The following IL1RAPL1 variants were observed in gnomAD, a reference collection of about 807,000 sequenced individuals.
IL1RAPL1 encodes interleukin 1 receptor accessory protein like 1.
A neutral mutation model predicts 48.4 loss-of-function variants in IL1RAPL1; 3 were observed. The ratio of observed to expected loss-of-function variants is 0.06; its 90% CI spans 0.03 to 0.16. IL1RAPL1 has a LOEUF of 0.16. Among genes scored for constraint, IL1RAPL1 ranks in the 10% least tolerant of loss-of-function variants. IL1RAPL1 has a pLI of 1.00. For missense variants in IL1RAPL1, 349 were observed against 530.6 expected, an observed-to-expected ratio of 0.66 and a Z score of 3.36; for synonymous variants, 185 against 187.7, an observed-to-expected ratio of 0.99 and a Z score of 0.12.
At chrX:28,900,407 G>A (rs1292749734) in intron 2 of IL1RAPL1, among the ~76,000 whole-genome samples, 2 of 111,626 alleles carry the variant, frequency 1.8e-5, no homozygotes, top group African/African-American at 6.5e-5. Flanking sequence ...CAAAAATCAA[G>A]GCTAAGATGG....
chrX:29,875,573 G>A (rs969301833), intron 6 of IL1RAPL1, among the ~76,000 whole-genome samples: 33 of 111,569 alleles, frequency 3.0e-4, no homozygotes, highest in Middle Eastern at 4.6e-3. Context: ...GCACACTAAG[G>A]TTGGAGAACC....
At chrX:29,807,640 A>AT (rs1392161269) in intron 6 of IL1RAPL1, among the ~76,000 whole-genome samples, 1 of 106,198 alleles carries the variant, frequency 9.4e-6, no homozygotes, top group East Asian at 2.9e-4. Context: ...AAAAAAAAAA[A>AT]AAAAAAAAAT....
intron 6 of IL1RAPL1, among the ~76,000 whole-genome samples, chrX:29,806,151 A>T (rs1279972815): frequency 2.7e-5 from 3 of 111,395 alleles, no homozygotes; most frequent in South Asian, 7.4e-4. Context: ...TGTAATAAGG[A>T]TAAAAACATA....
intron 1 of IL1RAPL1, among the ~76,000 whole-genome samples, chrX:28,664,538 C>T (rs1300391032): frequency 9.0e-6 from 1 of 111,600 alleles, no homozygotes; most frequent in Non-Finnish European, 1.9e-5. Context: ...TTGATCTCCT[C>T]CAAGGTGATC....
intron 2 of IL1RAPL1, among the ~76,000 whole-genome samples, chrX:29,123,041 A>T (rs988079742): frequency 4.3e-4 from 46 of 106,832 alleles, no homozygotes; most frequent in African/African-American, 1.5e-3. Context: ...TTATTTATTT[A>T]TTTTTTGAGA....
chrX:28,657,956 A>G (rs148963315), intron 1 of IL1RAPL1, among the ~76,000 whole-genome samples: 688 of 112,306 alleles, frequency 6.1e-3, no homozygotes, highest in African/African-American at 0.019. Context: ...AGTAAAATGT[A>G]TCTACTCCTT....
intron 3 of IL1RAPL1, among the ~76,000 whole-genome samples, chrX:29,309,567 C>G (rs924917566): frequency 8.9e-6 from 1 of 112,162 alleles, no homozygotes; most frequent in Non-Finnish European, 1.9e-5. Context: ...AATCCCAGCA[C>G]TTTGGGAGGC....
At chrX:28,876,218 A>G (rs2147311571) in intron 2 of IL1RAPL1, among the ~76,000 whole-genome samples, 1 of 111,821 alleles carries the variant, frequency 8.9e-6, no homozygotes, top group Admixed American at 9.5e-5. Context: ...TCCCAGACTC[A>G]GGCCTGAGGA....
intron 6 of IL1RAPL1, among the ~76,000 whole-genome samples, chrX:29,703,048 C>T (rs775176799): frequency 1.1e-3 from 124 of 111,670 alleles, no homozygotes; most frequent in African/African-American, 3.8e-3. Context: ...AAATGAGTAT[C>T]GGAGAGGTCA....
At chrX:29,774,500 C>T (rs190833607) in intron 6 of IL1RAPL1, among the ~76,000 whole-genome samples, 275 of 112,004 alleles carry the variant, frequency 2.5e-3, no homozygotes, top group African/African-American at 7.0e-3. Context: ...AAAATATACA[C>T]GAATATCATG....
chrX:29,354,910 C>G (rs1179166714), intron 3 of IL1RAPL1, among the ~76,000 whole-genome samples: 1 of 111,736 alleles, frequency 8.9e-6, no homozygotes, highest in African/African-American at 3.2e-5. Flanking sequence ...ATGGGTGATA[C>G]CCAAGGAAAT....
chrX:29,443,231 GCTCTCT>G (rs376805298), intron 5 of IL1RAPL1, among the ~76,000 whole-genome samples: 3,100 of 93,937 alleles, frequency 0.033, 136 homozygotes, highest in African/African-American at 0.12. Context: ...GCTCTCGCTT[GCTCTCT>G]CTCTCTCTCT....
At chrX:28,789,634 G>A (rs1173261034) in intron 2 of IL1RAPL1, among the ~76,000 whole-genome samples, 12 of 111,863 alleles carry the variant, frequency 1.1e-4, no homozygotes, top group Non-Finnish European at 1.9e-4. Flanking sequence ...TTATTTTATC[G>A]ATTACTATGA....
At chrX:29,083,908 A>C (rs1927896399) in intron 2 of IL1RAPL1, among the ~76,000 whole-genome samples, 1 of 111,426 alleles carries the variant, frequency 9.0e-6, no homozygotes, top group African/African-American at 3.3e-5. Flanking sequence ...CATTCCAGGT[A>C]GTGTTTGTGT....
At chrX:29,484,228 G>A (rs1483570015) in intron 5 of IL1RAPL1, among the ~76,000 whole-genome samples, 1 of 111,435 alleles carries the variant, frequency 9.0e-6, no homozygotes, top group Non-Finnish European at 1.9e-5. Flanking sequence ...TGGAGGATGG[G>A]AATTTTAACA....
chrX:28,704,774 C>T (rs979471102), intron 1 of IL1RAPL1, among the ~76,000 whole-genome samples: 3 of 84,314 alleles, frequency 3.6e-5, no homozygotes, highest in Admixed American at 1.6e-4. Context: ...TCTCTGGCAG[C>T]GGCAAGTTGG....
rs548869428 is a variant in IL1RAPL1, at chrX:28,985,718, G to A, written c.82+196293G>A. ...TCTGTCGCCCAGGCTGGAGTGCATT[G>A]GCGCGATCTCGGCTCACTACAAGCT... is the stretch of plus-strand genomic sequence containing the variant. On this transcript the variant is annotated intron_variant, in intron 2 of 10. Transcript: ENST00000378993. Among the ~76,000 whole-genome samples the A allele has an allele frequency of 2.2e-4, 21 of 93,846 alleles. No homozygotes were observed. The South Asian group carries it at 0.011, about 48-fold the overall frequency. The allele number at this position is 93,846 out of a possible 115,157, so 81.5% of individuals were successfully genotyped here.
At chrX:28,827,202 ATAT>A (rs1294562243) in intron 2 of IL1RAPL1, among the ~76,000 whole-genome samples, 1 of 111,324 alleles carries the variant, frequency 9.0e-6, no homozygotes, top group Non-Finnish European at 1.9e-5. Context: ...CTTCAGCTAC[ATAT>A]TTTTATTTAA....
At chrX:28,938,706 A>C (rs941961953) in intron 2 of IL1RAPL1, among the ~76,000 whole-genome samples, 2 of 111,835 alleles carry the variant, frequency 1.8e-5, no homozygotes, top group Admixed American at 1.9e-4. Context: ...GAGCTTCTGC[A>C]CAGCAAAAGA....
Sources: gnomAD v4.1 joint callset for allele counts (sites outside exome capture counted in the v4.1 genomes callset) on GRCh38, gnomAD v4.1.1 for gene constraint, MANE v1.5 for transcripts, NCBI Gene and HGNC (gene_info 2026-07-23, HGNC 2026-07-21) for gene names.